SCHIP1: variants seen among roughly 807,000 people sequenced by gnomAD.
SCHIP1 encodes schwannomin interacting protein 1.
Under a neutral mutation model 29.7 loss-of-function variants are expected in SCHIP1, and 8 were observed. That is an observed-to-expected ratio of 0.27 (90% confidence interval 0.16 to 0.49). The LOEUF is 0.49. Ranked by LOEUF, SCHIP1 falls within the 20% of genes least tolerant of loss-of-function variation. The pLI is 0.99. For synonymous variants in SCHIP1, 76 were observed against 94.9 expected (o/e 0.80, Z 1.16); for missense variants, 193 against 294.6 (o/e 0.66, Z 2.52).
chr3:159,549,116 T>C, the SCHIP1 span, among the ~76,000 whole-genome samples: 192 of 152,270 alleles, frequency 1.3e-3, no homozygotes, highest in Non-Finnish European at 1.7e-3. Flanking sequence ...AGTTTAATTC[T>C]TTTATCATTA....
chr3:159,698,159 T>C, the SCHIP1 span, among the ~76,000 whole-genome samples: 1 of 152,244 alleles, frequency 6.6e-6, no homozygotes, highest in Non-Finnish European at 1.5e-5. Flanking sequence ...ATAATTATAT[T>C]CAAAGGAAAT....
At chr3:159,426,153 A>G in the SCHIP1 span, among the ~76,000 whole-genome samples, 1 of 152,144 alleles carries the variant, frequency 6.6e-6, no homozygotes, top group African/African-American at 2.4e-5. Context: ...AAGAGCAAAC[A>G]CATTCAAAAG....
chr3:159,707,711 CT>C, the SCHIP1 span, among the ~76,000 whole-genome samples: 2 of 152,168 alleles, frequency 1.3e-5, no homozygotes, highest in African/African-American at 4.8e-5. Flanking sequence ...TTAAATATTA[CT>C]CTTGCCTAGA....
chr3:159,893,993 C>G (rs1717813751), intron 6 of SCHIP1: 1 of 152,292 alleles, frequency 6.6e-6, no homozygotes, highest in African/African-American at 2.4e-5. Flanking sequence ...GTGGGGACTG[C>G]TGGGACATGT....
At chr3:159,768,112 T>A in the SCHIP1 span, among the ~76,000 whole-genome samples, 1 of 152,110 alleles carries the variant, frequency 6.6e-6, no homozygotes, top group African/African-American at 2.4e-5. Flanking sequence ...TGAACAGGGT[T>A]TTGTTCTTTC....
the SCHIP1 span, among the ~76,000 whole-genome samples, chr3:159,675,529 G>C: frequency 1.3e-5 from 2 of 152,156 alleles, no homozygotes; most frequent in East Asian, 3.8e-4. Context: ...GAAATCTTTG[G>C]AGATGGTTCC....
At chr3:159,404,720 G>A in the SCHIP1 span, among the ~76,000 whole-genome samples, 10 of 152,206 alleles carry the variant, frequency 6.6e-5, no homozygotes, top group Non-Finnish European at 1.0e-4. Flanking sequence ...TCACCTCTCT[G>A]AAGGGAAAGA....
the SCHIP1 span, among the ~76,000 whole-genome samples, chr3:159,364,196 G>A: frequency 1.3e-5 from 2 of 152,088 alleles, no homozygotes; most frequent in Non-Finnish European, 2.9e-5. Context: ...CTGCGTATTA[G>A]GGAAGCTGGA....
the SCHIP1 span, among the ~76,000 whole-genome samples, chr3:159,355,759 T>C: frequency 6.6e-6 from 1 of 152,034 alleles, no homozygotes; most frequent in South Asian, 2.1e-4. Context: ...ATTTTGTTCC[T>C]GGCGAGGCTA....
chr3:159,650,870 TACATA>T, the SCHIP1 span, among the ~76,000 whole-genome samples: 1 of 152,176 alleles, frequency 6.6e-6, no homozygotes, highest in African/African-American at 2.4e-5. Context: ...CTGTCTTCCT[TACATA>T]AACCAACCAG....
At chr3:159,630,961 C>T in the SCHIP1 span, among the ~76,000 whole-genome samples, 1 of 151,980 alleles carries the variant, frequency 6.6e-6, no homozygotes, top group Middle Eastern at 3.4e-3. Flanking sequence ...TGCATTTTCA[C>T]CCAAAGTTGA....
chr3:159,448,126 G>A, the SCHIP1 span, among the ~76,000 whole-genome samples: 1 of 152,166 alleles, frequency 6.6e-6, no homozygotes, highest in Non-Finnish European at 1.5e-5. Context: ...TTGACCACCT[G>A]ATGATGTAAC....
chr3:159,543,001 G>T, the SCHIP1 span, among the ~76,000 whole-genome samples: 1 of 151,180 alleles, frequency 6.6e-6, no homozygotes, highest in African/African-American at 2.4e-5. Flanking sequence ...CAGGAACTAG[G>T]ATACTTAAAA....
chr3:159,728,786 G>T, the SCHIP1 span, among the ~76,000 whole-genome samples: 1 of 152,246 alleles, frequency 6.6e-6, no homozygotes. Context: ...GTGGGGGACA[G>T]TTAGAAACAG....
At chr3:159,685,021 G>A in the SCHIP1 span, among the ~76,000 whole-genome samples, 1 of 152,056 alleles carries the variant, frequency 6.6e-6, no homozygotes, top group South Asian at 2.1e-4. Context: ...CTCACTGCAA[G>A]TTCAGCCTAA....
chr3:159,787,316 G>A, the SCHIP1 span, among the ~76,000 whole-genome samples: 1 of 152,166 alleles, frequency 6.6e-6, no homozygotes, highest in Admixed American at 6.5e-5. Flanking sequence ...TGTAAACACT[G>A]GAAGCTGCTG....
the SCHIP1 span, among the ~76,000 whole-genome samples, chr3:159,739,271 G>A: frequency 1.3e-5 from 2 of 152,224 alleles, no homozygotes; most frequent in East Asian, 3.8e-4. Context: ...CCTAAGTACA[G>A]TGGGAAGCTA....
chr3:159,297,243 A>T, the SCHIP1 span, among the ~76,000 whole-genome samples: 1 of 151,886 alleles, frequency 6.6e-6, no homozygotes, highest in Non-Finnish European at 1.5e-5. Context: ...TGTTGCGAAT[A>T]ATGCTGCAGT....
chr3:159,347,770 T>G, the SCHIP1 span, among the ~76,000 whole-genome samples: 1 of 152,324 alleles, frequency 6.6e-6, no homozygotes, highest in East Asian at 1.9e-4. Flanking sequence ...AAGCTCACAA[T>G]TTCCTTTTTT....
Sources: gnomAD v4.1 joint callset for allele counts (sites outside exome capture counted in the v4.1 genomes callset) on GRCh38, gnomAD v4.1.1 for gene constraint, MANE v1.5 for transcripts, NCBI Gene and HGNC (gene_info 2026-07-23, HGNC 2026-07-21) for gene names.